ZSCAN25: variants seen among roughly 807,000 people sequenced by gnomAD.
ZSCAN25 encodes the protein zinc finger and SCAN domain containing 25, also known as zinc finger and SCAN domain-containing protein 25.
A neutral mutation model predicts 38.7 loss-of-function variants in ZSCAN25; 27 were observed. The observed-to-expected ratio is 0.70, with a 90% confidence interval of 0.51 to 0.96. The LOEUF (loss-of-function observed/expected upper bound fraction) is 0.96, where lower values mean the gene tolerates loss of function less well. Among genes scored for constraint, ZSCAN25 ranks in the 40% least tolerant of loss-of-function variants. The pLI is 0.00. For synonymous variants in ZSCAN25, 273 were observed against 277.7 expected (o/e 0.98, Z 0.17); for missense variants, 637 against 705.9 (o/e 0.90, Z 1.11).
chr7:99,721,306 TA>T, the ZSCAN25 span, among the ~76,000 whole-genome samples: 1 of 152,036 alleles, frequency 6.6e-6, no homozygotes. Flanking sequence ...ATAGAAAGTT[TA>T]AAAAAAAGAA....
At chr7:99,660,110 C>T in the ZSCAN25 span, 176 of 663,234 alleles carry the variant, frequency 2.7e-4, no homozygotes, top group Admixed American at 1.6e-3. Flanking sequence ...GAGATGCACC[C>T]GGTACCTCAG....
the ZSCAN25 span, chr7:99,660,639 CGA>C: frequency 6.2e-7 from 1 of 1,613,566 alleles, no homozygotes; most frequent in Non-Finnish European, 8.5e-7. Flanking sequence ...GACTGGGCTG[CGA>C]GCTCCAGATC....
At chr7:99,619,521 G>A in intron 3 of ZSCAN25, 40 bp from the exon 4 acceptor site, 1 of 1,442,750 alleles carries the variant, frequency 6.9e-7, no homozygotes, top group South Asian at 1.4e-5. Flanking sequence ...AGACAGAACT[G>A]GGATGGGCTG....
chr7:99,715,696 A>G, the ZSCAN25 span: 7 of 1,611,356 alleles, frequency 4.3e-6, no homozygotes, highest in Admixed American at 1.7e-5. Context: ...GGTGATTTAC[A>G]TCTCAATAAA....
the ZSCAN25 span, among the ~76,000 whole-genome samples, chr7:99,667,733 G>A: frequency 2.0e-5 from 3 of 152,170 alleles, no homozygotes; most frequent in African/African-American, 7.2e-5. Context: ...GTTTTAAAAT[G>A]TGTACTTCCA....
rs918601444 is a variant in ZSCAN25, at chr7:99,630,404, G to A, written c.*384G>A. On this transcript the variant is annotated 3_prime_UTR_variant, in exon 8 of 8. Coordinates refer to ENST00000394152, the MANE Select transcript of ZSCAN25 (RefSeq NM_145115.3). ...GCTCTGTCTTGCCTGCAGGGTCATA[G>A]CTCAGACTCTTCCCCCACCCCCTCT... 3.8e-5 allele frequency: 39 copies of A among 1,029,104 alleles called. No homozygotes were observed. Among genetic ancestry groups the A allele is most frequent in the Non-Finnish European group, 4.4e-5 (38 of 858,078 alleles). The allele number at this position is 1,029,104 out of a possible 1,614,324, so 63.7% of individuals were successfully genotyped here.
the ZSCAN25 span, among the ~76,000 whole-genome samples, chr7:99,723,681 AGCC>A: frequency 1.3e-5 from 2 of 152,180 alleles, no homozygotes; most frequent in Non-Finnish European, 1.5e-5. Context: ...CAGACCAGCC[AGCC>A]CAAGGTCATC....
the ZSCAN25 span, among the ~76,000 whole-genome samples, chr7:99,677,834 A>G: frequency 1.3e-5 from 2 of 152,164 alleles, no homozygotes; most frequent in Non-Finnish European, 2.9e-5. Flanking sequence ...CTTTAAACAC[A>G]TTACCTGACC....
At chr7:99,656,373 T>C in the ZSCAN25 span, among the ~76,000 whole-genome samples, 1 of 152,224 alleles carries the variant, frequency 6.6e-6, no homozygotes, top group Non-Finnish European at 1.5e-5. Context: ...GTTTATATGC[T>C]GGATTATGTT....
downstream of ZSCAN25, among the ~76,000 whole-genome samples, chr7:99,636,834 C>T (rs536348191): frequency 6.6e-6 from 1 of 152,226 alleles, no homozygotes; most frequent in Admixed American, 6.5e-5. Flanking sequence ...AGCGAGCACA[C>T]TGCTTACACA....
rs774572498 is a variant in ZSCAN25 at position 99,624,178 on chromosome 7, C to T, written c.803C>T (p.Pro268Leu). Residue 268 changes from proline to leucine, a missense_variant and splice_region_variant, in exon 7 of 8, where the codon CCA becomes CTA. Coordinates refer to ENST00000394152, the MANE Select transcript of ZSCAN25 (RefSeq NM_145115.3). ...YVEPQDCRVSPGGGSKEKEAK... is the reference protein window; with the variant it reads ...YVEPQDCRVSLGGGSKEKEAK... Reference sequence around the variant, plus strand: ...GAACCGCAGGACTGCAGGGTCTCTCCAGGTAAGACTGTCTCCACCCACAGG... The same window carrying T: ...GAACCGCAGGACTGCAGGGTCTCTCTAGGTAAGACTGTCTCCACCCACAGG... The T allele has an allele frequency of 6.2e-7, 1 of 1,613,502 alleles. No homozygotes were observed. The highest frequency in any genetic ancestry group is 1.1e-5 in the South Asian group (1 of 91,044).
the ZSCAN25 span, chr7:99,709,260 G>A: frequency 6.2e-6 from 10 of 1,613,600 alleles, no homozygotes; most frequent in Middle Eastern, 5.0e-4. Context: ...GGTGGGTGGT[G>A]CCTGAAAAGA....
At chr7:99,628,125 C>T (rs1055539938) in intron 7 of ZSCAN25, among the ~76,000 whole-genome samples, 3 of 152,046 alleles carry the variant, frequency 2.0e-5, no homozygotes, top group Admixed American at 2.0e-4. Context: ...CATTTTTTAG[C>T]CAGCGCTGGA....
At chr7:99,672,084 T>C in the ZSCAN25 span, among the ~76,000 whole-genome samples, 2 of 151,388 alleles carry the variant, frequency 1.3e-5, no homozygotes, top group South Asian at 2.1e-4. Flanking sequence ...TGGAGTCTCA[T>C]TGGGTTGCCC....
chr7:99,674,585 C>G, the ZSCAN25 span: 1 of 1,612,634 alleles, frequency 6.2e-7, no homozygotes, highest in South Asian at 1.1e-5. Flanking sequence ...TTCCAGAGAC[C>G]CTGGGAGAGG....
At chr7:99,637,623 G>A in the ZSCAN25 span, among the ~76,000 whole-genome samples, 2 of 152,152 alleles carry the variant, frequency 1.3e-5, no homozygotes, top group African/African-American at 2.4e-5. Context: ...GGTGCAACTG[G>A]AACATATTAC....
rs188413695 is a variant in ZSCAN25 at position 99,631,516 on chromosome 7, C to T, written c.*1496C>T. The T allele has an allele frequency of 2.2e-4, 215 of 985,532 alleles. 1 individual carries two copies. The African/African-American group carries it at 3.6e-3, about 17-fold the overall frequency. 61.0% of individuals were successfully genotyped at this position (985,532 alleles called of 1,614,324 possible). A position where few individuals can be genotyped will look rare whatever the true frequency, so the allele number is the denominator to read the frequency against. Reference sequence around the variant, plus strand: ...TGTGTCATTGTGCTGTGCCTTTGAACCCTGGCTGAGTGAGTGAGTTTGTCC... The same window carrying T: ...TGTGTCATTGTGCTGTGCCTTTGAATCCTGGCTGAGTGAGTGAGTTTGTCC... On this transcript the variant is annotated 3_prime_UTR_variant, in exon 8 of 8. Transcript: ENST00000394152.
At chr7:99,733,053 C>G in the ZSCAN25 span, among the ~76,000 whole-genome samples, 12 of 152,176 alleles carry the variant, frequency 7.9e-5, no homozygotes, top group African/African-American at 2.9e-4. Flanking sequence ...GAGAACCCAG[C>G]AGAGACAGCA....
Position 99,626,090 on chromosome 7 carries a change from G to A in ZSCAN25, c.805+1910G>A, listed in dbSNP as rs10249095. 4.7e-3 allele frequency among the ~76,000 whole-genome samples: 716 copies of A among 152,312 alleles called. 4 individuals are homozygous for A. Among genetic ancestry groups the A allele is most frequent in the African/African-American group, 0.016 (663 of 41,574 alleles). The stretch of plus-strand genomic sequence containing the variant: ...TGTTCGTCTGTTCTCATTAGCAGAC[G>A]GTGAGGTGCAGACCTTGTTGTCTGG... On this transcript the variant is annotated intron_variant, in intron 7 of 7. Transcript: ENST00000394152.
Sources: gnomAD v4.1 joint callset for allele counts (sites outside exome capture counted in the v4.1 genomes callset) on GRCh38, gnomAD v4.1.1 for gene constraint, MANE v1.5 for transcripts, NCBI Gene and HGNC (gene_info 2026-07-23, HGNC 2026-07-21) for gene names.